The following OTOF variants were observed in gnomAD, a reference collection of about 807,000 sequenced individuals.
OTOF encodes the protein otoferlin.
OTOF carries 218 observed loss-of-function variants against 236.8 expected under a neutral mutation model. The ratio of observed to expected loss-of-function variants is 0.92; its 90% confidence interval spans 0.82 to 1.03. The LOEUF is 1.03. OTOF is among the 50% of genes least tolerant of loss of function. OTOF has a pLI of 0.00. For synonymous variants in OTOF, 1,041 were observed against 1,072.5 expected (o/e 0.97, Z 0.57); for missense variants, 2,590 against 2,694.4 (o/e 0.96, Z 0.86).
chr2:26,503,934 A>G (rs554399061), intron 5 of OTOF, 89 bp from the exon 6 acceptor site: 1 of 1,164,352 alleles, frequency 8.6e-7, no homozygotes, highest in East Asian at 2.3e-5. Context: ...ATGAGAGAAC[A>G]CATCAGAGAA....
At chr2:26,538,599 G>A (rs1010987017) in intron 1 of OTOF, among the ~76,000 whole-genome samples, 2 of 152,304 alleles carry the variant, frequency 1.3e-5, no homozygotes, top group African/African-American at 2.4e-5. Context: ...GGAGAGAATC[G>A]AGGGCAGGTC....
chr2:26,468,147 G>T (rs1382496588), intron 33 of OTOF, among the ~76,000 whole-genome samples: 2 of 152,198 alleles, frequency 1.3e-5, no homozygotes, highest in African/African-American at 4.8e-5. Flanking sequence ...TGAGCTCTGA[G>T]GTCCCTTCTA....
intron 2 of OTOF, 65 bp from the exon 3 acceptor site, chr2:26,527,985 G>A: frequency 8.6e-7 from 1 of 1,162,436 alleles, no homozygotes; most frequent in Middle Eastern, 2.0e-4. Context: ...GGGTGTGGGA[G>A]GGGAATCTCT....
rs1379967126 is a variant in OTOF, at chr2:26,460,801, C to T, written c.5712+51G>A. The T allele has an allele frequency of 1.2e-6, 2 of 1,613,298 alleles. No homozygotes were observed. The highest frequency in any genetic ancestry group is 1.7e-5 in the Admixed American group (1 of 60,010). On this transcript the variant is annotated intron_variant, in intron 44 of 46. Transcript: ENST00000272371. The surrounding 1 kb of genome is among the most constrained non-coding windows in gnomAD (Gnocchi z 5.3). ...CAGGCTGCGTGCTGGGCCCTTGGCACCCCAGCCAGTCCCAGCCCTGCCTAC... is the reference window on the plus strand; with the variant it reads ...CAGGCTGCGTGCTGGGCCCTTGGCATCCCAGCCAGTCCCAGCCCTGCCTAC...
At chr2:26,516,269 T>A in intron 5 of OTOF, 149 bp downstream of exon 5, 2 of 765,970 alleles carry the variant, frequency 2.6e-6, no homozygotes, top group East Asian at 2.5e-5. Flanking sequence ...TACAGAAACA[T>A]CTTCCCACCC....
At chr2:26,500,080 G>A (rs751679823) in intron 8 of OTOF, among the ~76,000 whole-genome samples, 4 of 152,296 alleles carry the variant, frequency 2.6e-5, no homozygotes, top group South Asian at 2.1e-4. Context: ...CCAGGGACCC[G>A]AAGGGAGCAG....
chr2:26,467,614 AT>A (rs2148031500), intron 33 of OTOF, 113 bp from the exon 34 acceptor site: 1 of 1,301,416 alleles, frequency 7.7e-7, no homozygotes, highest in Non-Finnish European at 1.1e-6. Context: ...TCGGATGTCC[AT>A]GTGCTGTCAA....
chr2:26,466,791 C>A lies in OTOF; in HGVS notation c.4423G>T (p.Asp1475Tyr). ...CCCTGGAACATGCCGTAGGTGGAGT[C>A]GTAGCCGGCTTCCCGGGACACGTCC... ...PEDVSREAGY[D>Y]STYGMFQGIP... Residue 1475 changes from aspartate (D) to tyrosine (Y), a missense_variant, in exon 36 of 47, where the codon GAC becomes TAC. By Grantham distance (160) the Asp-to-Tyr change is radical (BLOSUM62 -3). Coordinates refer to ENST00000272371, the MANE Select transcript of OTOF (RefSeq NM_194248.3). 6.2e-7 allele frequency: 1 copy of A among 1,614,190 alleles called. No individual in the cohort carries two copies. Among genetic ancestry groups the A allele is most frequent in the Non-Finnish European group, 8.5e-7 (1 of 1,180,040 alleles).
intron 5 of OTOF, among the ~76,000 whole-genome samples, chr2:26,514,780 T>C (rs56145173): frequency 0.22 from 33,812 of 152,006 alleles, 4,311 homozygotes; most frequent in African/African-American, 0.36. Context: ...TGATTTGGGG[T>C]CAGCATTCCT....
chr2:26,463,189 C>G (rs865835404), intron 41 of OTOF, among the ~76,000 whole-genome samples: 30 of 152,154 alleles, frequency 2.0e-4, no homozygotes. Context: ...GCGCGTAGAC[C>G]GTGTAGATAC....
In OTOF at chr2:26,495,215, A is replaced by G. The variant is rs529454587; in HGVS notation, c.766-142T>C. On this transcript the variant is annotated intron_variant, in intron 8 of 46. Coordinates refer to ENST00000272371, the MANE Select transcript of OTOF (RefSeq NM_194248.3). The stretch of plus-strand genomic sequence containing the variant: ...TGGCCTCCTGGGCTCCATTCTGACC[A>G]CTGCCTCTCATCTGCTGGGTGATCC... The G allele has an allele frequency of 2.0e-4, 146 of 730,872 alleles. No individual in the cohort carries two copies. The African/African-American group carries it at 2.2e-3, about 11-fold the overall frequency. The allele number at this position is 730,872 out of a possible 1,614,324, so 45.3% of individuals were successfully genotyped here.
chr2:26,483,538 T>C lies in OTOF; in HGVS notation c.1316A>G (p.Asn439Ser). Residue 439 changes from asparagine to serine, a missense_variant, in exon 13 of 47, where the codon AAT (asparagine) becomes AGT (serine). Asn to Ser is a conservative substitution (Grantham distance 46). Around this residue, in one of 2 missense-constraint regions of OTOF, gnomAD observed 1,379 missense variants for 1,341.6 expected, o/e 1.03. Coordinates refer to ENST00000272371, the MANE Select transcript of OTOF (RefSeq NM_194248.3). ...LPRMNTSLMANVKKAFIGENK... is the reference protein window; with the variant it reads ...LPRMNTSLMASVKKAFIGENK... ...TTCACCGATGAAAGCCTTCTTTACA[T>C]TGGCCATGAGGCTTGTGTTCATACG... The C allele has an allele frequency of 1.9e-6, 3 of 1,614,014 alleles. No homozygotes were observed. Among genetic ancestry groups the C allele is most frequent in the Non-Finnish European group, 1.7e-6 (2 of 1,180,008 alleles).
At chr2:26,537,838 A>G in intron 1 of OTOF, 64 bp from the exon 2 acceptor site, 1 of 1,203,394 alleles carries the variant, frequency 8.3e-7, no homozygotes, top group Non-Finnish European at 1.2e-6. Flanking sequence ...ATGGGGTCAG[A>G]CCTCCTCATC....
intron 5 of OTOF, among the ~76,000 whole-genome samples, chr2:26,510,140 C>T (rs1009384512): frequency 8.5e-5 from 13 of 152,146 alleles, no homozygotes; most frequent in Non-Finnish European, 8.8e-5. Flanking sequence ...AGCACCCTGA[C>T]CTCATTTTTC....
intron 33 of OTOF, among the ~76,000 whole-genome samples, chr2:26,467,994 G>A (rs539236127): frequency 6.6e-6 from 1 of 152,340 alleles, no homozygotes; most frequent in East Asian, 1.9e-4. Flanking sequence ...CATTTGCACA[G>A]TAAAGGGTAT....
chr2:26,489,561 C>G (rs1345156488), intron 10 of OTOF, 117 bp downstream of exon 10: 5 of 875,264 alleles, frequency 5.7e-6, no homozygotes, highest in Non-Finnish European at 9.5e-6. Context: ...AGCCGTGTGT[C>G]CAGGCACGGC....
intron 2 of OTOF, among the ~76,000 whole-genome samples, chr2:26,530,210 G>A (rs1313358576): frequency 2.6e-5 from 4 of 152,252 alleles, no homozygotes; most frequent in East Asian, 3.9e-4. Context: ...TTTGGAGATG[G>A]CCCTGTGAAA....
chr2:26,474,933 C>T (rs1665179959), intron 25 of OTOF, among the ~76,000 whole-genome samples: 1 of 152,014 alleles, frequency 6.6e-6, no homozygotes, highest in Admixed American at 6.5e-5. Context: ...ACCTCAGCAG[C>T]TGAGGTGGTA....
chr2:26,463,189 C>T (rs865835404), intron 41 of OTOF, among the ~76,000 whole-genome samples: 7 of 152,154 alleles, frequency 4.6e-5, no homozygotes, highest in Admixed American at 1.3e-4. Context: ...GCGCGTAGAC[C>T]GTGTAGATAC....
Sources: allele counts gnomAD v4.1 joint callset (sites outside exome capture counted in the v4.1 genomes callset), GRCh38; gene constraint gnomAD v4.1.1; regional missense constraint gnomAD v4.1.1; non-coding constraint Gnocchi (gnomAD v3.1); transcripts MANE v1.5; gene names NCBI Gene and HGNC (gene_info 2026-07-23, HGNC 2026-07-21).